PDE4D: variants seen among roughly 807,000 people sequenced by gnomAD.
The protein encoded by PDE4D is phosphodiesterase 4D, also known as 3',5'-cyclic-AMP phosphodiesterase 4D.
A neutral mutation model predicts 87.4 loss-of-function variants in PDE4D; 24 were observed. The ratio of observed to expected loss-of-function variants is 0.27; its 90% CI spans 0.20 to 0.39. PDE4D has a LOEUF of 0.39. Among genes scored for constraint, PDE4D ranks in the 10% least tolerant of loss-of-function variants. The probability of loss-of-function intolerance (pLI) is 1.00; values close to 1 mark genes in which losing one functional copy is unlikely to be tolerated. For synonymous variants in PDE4D, 384 were observed against 383.2 expected, an observed-to-expected ratio of 1.00 and a Z score of -0.02; for missense variants, 714 against 1,041.0, an observed-to-expected ratio of 0.69 and a Z score of 4.32.
intron 1 of PDE4D, among the ~76,000 whole-genome samples, chr5:59,509,954 TATTATA>T (rs1430199991): frequency 2.7e-5 from 4 of 148,162 alleles, no homozygotes; most frequent in Non-Finnish European, 4.5e-5. Flanking sequence ...ATTTTTTGAA[TATTATA>T]ATTATAATTA....
At chr5:60,136,787 AG>A (rs1780086634) in intron 2 of PDE4D, among the ~76,000 whole-genome samples, 1 of 152,090 alleles carries the variant, frequency 6.6e-6, no homozygotes, top group Non-Finnish European at 1.5e-5. Context: ...ACTTGCATCT[AG>A]ACAAGTTCTT....
intron 1 of PDE4D, among the ~76,000 whole-genome samples, chr5:59,547,442 CATA>C (rs1189533189): frequency 6.6e-6 from 1 of 151,948 alleles, no homozygotes; most frequent in Non-Finnish European, 1.5e-5. Flanking sequence ...ATATGAATGT[CATA>C]ATAATATAGA....
At chr5:59,786,782 T>C (rs1458489297) in intron 1 of PDE4D, among the ~76,000 whole-genome samples, 3 of 152,140 alleles carry the variant, frequency 2.0e-5, no homozygotes, top group Non-Finnish European at 4.4e-5. Flanking sequence ...GGTGAGATGC[T>C]TTTTCATAGC....
intron 2 of PDE4D, among the ~76,000 whole-genome samples, chr5:60,165,215 A>G (rs1483679271): frequency 1.3e-5 from 2 of 152,188 alleles, no homozygotes; most frequent in Non-Finnish European, 2.9e-5. Context: ...GATTGAGGTG[A>G]TTCCATATCT....
intron 1 of PDE4D, among the ~76,000 whole-genome samples, chr5:59,872,300 C>CACACACACACACACACACACA (rs10693446): frequency 1.4e-5 from 2 of 146,862 alleles, no homozygotes; most frequent in African/African-American, 5.2e-5. Context: ...CACACACACA[C>CACACACACACACACACACACA]AAGAGCACAC....
At position 58,975,871 on chromosome 5, in the gene PDE4D, C is replaced by A; in HGVS notation, c.1831-32G>T. The stretch of plus-strand genomic sequence containing the variant: ...TAGATGGATGCATTCTCTATTCACT[C>A]CTGTTCCTTTTTTTTAAAAAAAAAA... On this transcript the variant is annotated intron_variant, in intron 13 of 14. Transcript: ENST00000340635. The surrounding 1 kb of genome is among the most constrained non-coding windows in gnomAD (Gnocchi z 4.2). 7.5e-7 allele frequency: 1 copy of A among 1,341,246 alleles called. No homozygotes were observed. The highest frequency in any genetic ancestry group is 9.7e-7 in the Non-Finnish European group (1 of 1,028,962). 83.1% of individuals were successfully genotyped at this position (1,341,246 alleles called of 1,614,324 possible). A position where few individuals can be genotyped will look rare whatever the true frequency, so the allele number is the denominator to read the frequency against.
intron 1 of PDE4D, among the ~76,000 whole-genome samples, chr5:60,435,139 A>C (rs565432352): frequency 0.14 from 21,228 of 152,036 alleles, 1,551 homozygotes; most frequent in African/African-American, 0.17. Context: ...TGTAAAACCG[A>C]ACTTGAAAAA....
chr5:59,012,910 A>C (rs976081552), intron 6 of PDE4D, among the ~76,000 whole-genome samples: 3 of 152,124 alleles, frequency 2.0e-5, no homozygotes, highest in Admixed American at 6.6e-5. Context: ...GAAGTAAAGC[A>C]CTCCTCAGCA....
rs374697530 is a variant in PDE4D at position 59,036,678 on chromosome 5, G to A, written c.921+2181C>T. ...ACCCTTTTTTGTCTATAACAGTCAT[G>A]TAAGCTTAGCACTGATTTAGAAATA... On this transcript the variant is annotated intron_variant, in intron 6 of 14. Transcript: ENST00000340635. 1.5e-4 allele frequency among the ~76,000 whole-genome samples: 23 copies of A among 152,220 alleles called. No homozygotes were observed. In the East Asian group the frequency reaches 2.1e-3, roughly 14 times the overall value.
chr5:59,560,333 A>G (rs1819749028), intron 1 of PDE4D, among the ~76,000 whole-genome samples: 1 of 152,198 alleles, frequency 6.6e-6, no homozygotes, highest in Admixed American at 6.5e-5. Flanking sequence ...AGCATGTAAA[A>G]AGGTGAGAAA....
intron 2 of PDE4D, among the ~76,000 whole-genome samples, chr5:60,103,968 G>A (rs879349590): frequency 6.6e-6 from 1 of 152,168 alleles, no homozygotes; most frequent in Non-Finnish European, 1.5e-5. Context: ...TCCATCTGAG[G>A]TACCAGGTTC....
intron 5 of PDE4D, among the ~76,000 whole-genome samples, chr5:59,123,236 C>T (rs1223464664): frequency 1.1e-4 from 16 of 152,180 alleles, no homozygotes; most frequent in Non-Finnish European, 1.5e-5. Context: ...GCCTGAACTT[C>T]ATCTGGAAGT....
At chr5:60,480,869 A>AT (rs1385233848) in intron 1 of PDE4D, among the ~76,000 whole-genome samples, 3 of 152,188 alleles carry the variant, frequency 2.0e-5, no homozygotes, top group Non-Finnish European at 4.4e-5. Flanking sequence ...TTTCACCAAA[A>AT]TAAAAAGATT....
At chr5:60,294,309 G>A (rs1753185813) in intron 1 of PDE4D, among the ~76,000 whole-genome samples, 2 of 152,108 alleles carry the variant, frequency 1.3e-5, no homozygotes, top group African/African-American at 4.8e-5. Context: ...TAATGTAGAT[G>A]TGCTTTATGT....
intron 2 of PDE4D, among the ~76,000 whole-genome samples, chr5:60,082,420 G>A (rs1478069339): frequency 6.6e-6 from 1 of 151,726 alleles, no homozygotes; most frequent in African/African-American, 2.4e-5. Context: ...AAAACTGTGA[G>A]ATAAATGTTT....
chr5:60,117,590 CT>C (rs1778281405), intron 2 of PDE4D, among the ~76,000 whole-genome samples: 1 of 151,902 alleles, frequency 6.6e-6, no homozygotes, highest in Non-Finnish European at 1.5e-5. Context: ...CTTCATGGCC[CT>C]GAAATTTGAT....
intron 3 of PDE4D, among the ~76,000 whole-genome samples, chr5:59,923,225 A>G (rs1479107080): frequency 6.6e-6 from 1 of 152,184 alleles, no homozygotes; most frequent in African/African-American, 2.4e-5. Context: ...AAGATTTCTC[A>G]CTTCAGGTCC....
intron 1 of PDE4D, among the ~76,000 whole-genome samples, chr5:59,384,834 T>C (rs187149705): frequency 4.5e-4 from 69 of 152,162 alleles, no homozygotes; most frequent in Admixed American, 3.3e-3. Flanking sequence ...AATAAACATT[T>C]AATTATCTTA....
chr5:59,293,284 A>G (rs1768403587), intron 1 of PDE4D, among the ~76,000 whole-genome samples: 1 of 152,130 alleles, frequency 6.6e-6, no homozygotes, highest in African/African-American at 2.4e-5. Context: ...ATACCTGGTG[A>G]GTGGCTTAGG....
Sources: gnomAD v4.1 joint callset for allele counts (sites outside exome capture counted in the v4.1 genomes callset) on GRCh38, gnomAD v4.1.1 for gene constraint, Gnocchi (gnomAD v3.1) non-coding constraint, MANE v1.5 for transcripts, NCBI Gene and HGNC (gene_info 2026-07-23, HGNC 2026-07-21) for gene names.